The following DENND5B variants were observed in gnomAD, a reference collection of about 807,000 sequenced individuals.
The protein encoded by DENND5B is DENN domain-containing protein 5B.
In DENND5B, 34 loss-of-function variants were observed where a neutral mutation model predicts 140.6. The observed-to-expected ratio is 0.24, with a 90% CI of 0.18 to 0.32. DENND5B has a LOEUF of 0.32. Among genes scored for constraint, DENND5B ranks in the 10% least tolerant of loss-of-function variants. The pLI, the probability that DENND5B is intolerant of heterozygous loss-of-function variation, is 1.00. For synonymous variants in DENND5B, 551 were observed against 562.1 expected (o/e 0.98, Z 0.28); for missense variants, 1,142 against 1,560.2 (o/e 0.73, Z 4.52).
At chr12:31,552,267 G>A (rs2139255270) in intron 1 of DENND5B, among the ~76,000 whole-genome samples, 1 of 152,216 alleles carries the variant, frequency 6.6e-6, no homozygotes, top group South Asian at 2.1e-4. Context: ...AGAGTTTTTG[G>A]CATGAAGGGC....
At chr12:31,437,145 CCT>C (rs1491321158) in intron 7 of DENND5B, among the ~76,000 whole-genome samples, 1 of 135,922 alleles carries the variant, frequency 7.4e-6, no homozygotes. Flanking sequence ...CCTGCCCCCC[CCT>C]TTTTTTTTTT....
intron 5 of DENND5B, among the ~76,000 whole-genome samples, chr12:31,448,479 A>G (rs1359628284): frequency 6.6e-6 from 1 of 152,214 alleles, no homozygotes; most frequent in East Asian, 1.9e-4. Flanking sequence ...CCTATGAAAT[A>G]TACTTTCAAG....
intron 1 of DENND5B, among the ~76,000 whole-genome samples, chr12:31,584,044 A>C (rs1950305713): frequency 1.3e-5 from 2 of 152,214 alleles, no homozygotes; most frequent in South Asian, 4.1e-4. Flanking sequence ...ATGAAGCTTT[A>C]TGGAAATCAT....
At chr12:31,578,601 ATATCAT>A (rs1950104695) in intron 1 of DENND5B, among the ~76,000 whole-genome samples, 1 of 152,340 alleles carries the variant, frequency 6.6e-6, no homozygotes, top group African/African-American at 2.4e-5. Context: ...AATAAAAATA[ATATCAT>A]TAGAGGGAAG....
intron 11 of DENND5B, among the ~76,000 whole-genome samples, chr12:31,421,023 G>T (rs1194810249): frequency 1.3e-5 from 2 of 152,070 alleles, no homozygotes; most frequent in African/African-American, 4.8e-5. Flanking sequence ...GTGCTAGTAA[G>T]AATAATGTTC....
chr12:31,497,564 GA>G (rs1431472630), intron 1 of DENND5B, among the ~76,000 whole-genome samples: 1 of 151,400 alleles, frequency 6.6e-6, no homozygotes, highest in African/African-American at 2.4e-5. Flanking sequence ...AAGAGTCCAT[GA>G]TGTTTTTAAG....
rs1160345674 is a variant in DENND5B, at chr12:31,499,210, A to G, written c.128-3291T>C. On this transcript the variant is annotated intron_variant, in intron 1 of 20. Transcript: ENST00000389082. Reference sequence around the variant, plus strand: ...ATTCCCAGGAAATGAAAAATTACATAAGCATCCTGTACTTAAAATTTACCT... The same window carrying G: ...ATTCCCAGGAAATGAAAAATTACATGAGCATCCTGTACTTAAAATTTACCT... Among the ~76,000 whole-genome samples, 3 of 152,170 alleles carry G rather than the reference A, an allele frequency of 2.0e-5. No individual in the cohort carries two copies. In the East Asian group the frequency reaches 5.8e-4, roughly 29 times the overall value.
chr12:31,388,226 C>CTTT (rs35891849), intron 20 of DENND5B, among the ~76,000 whole-genome samples: 23 of 91,428 alleles, frequency 2.5e-4, no homozygotes, highest in East Asian at 1.1e-3. Flanking sequence ...TAGGGACTTG[C>CTTT]TTTTTTTTTT....
intron 1 of DENND5B, among the ~76,000 whole-genome samples, chr12:31,546,758 G>A (rs575231114): frequency 6.6e-6 from 1 of 152,212 alleles, no homozygotes; most frequent in East Asian, 1.9e-4. Flanking sequence ...ACATCTAAAA[G>A]ACCCAGGGAG....
intron 2 of DENND5B, among the ~76,000 whole-genome samples, chr12:31,485,249 A>C (rs1387183826): frequency 1.3e-5 from 2 of 152,220 alleles, no homozygotes; most frequent in Non-Finnish European, 2.9e-5. Context: ...GAATTGGGCT[A>C]TGCAGTCATG....
intron 6 of DENND5B, among the ~76,000 whole-genome samples, chr12:31,446,396 G>T (rs889396234): frequency 6.6e-6 from 1 of 152,122 alleles, no homozygotes; most frequent in South Asian, 2.1e-4. Flanking sequence ...TGATCCGCTG[G>T]CCTTGGCCTT....
chr12:31,427,734 A>T (rs939569307), intron 8 of DENND5B, among the ~76,000 whole-genome samples: 1 of 152,190 alleles, frequency 6.6e-6, no homozygotes, highest in African/African-American at 2.4e-5. Context: ...TAGTAAAAGT[A>T]GCAGTTTATT....
At chr12:31,461,015 C>T (rs1484990349) in intron 3 of DENND5B, among the ~76,000 whole-genome samples, 3 of 152,062 alleles carry the variant, frequency 2.0e-5, no homozygotes, top group Non-Finnish European at 4.4e-5. Context: ...CGTGAACCAC[C>T]GCACCAGGCC....
chr12:31,584,343 A>G (rs1346210269), intron 1 of DENND5B, among the ~76,000 whole-genome samples: 1 of 152,158 alleles, frequency 6.6e-6, no homozygotes, highest in East Asian at 1.9e-4. Context: ...AATGGGCCAT[A>G]AGCCTGAGCC....
At chr12:31,571,909 A>T (rs1259395780) in intron 1 of DENND5B, among the ~76,000 whole-genome samples, 1 of 152,194 alleles carries the variant, frequency 6.6e-6, no homozygotes, top group Admixed American at 6.5e-5. Flanking sequence ...GTACCCAGCC[A>T]AAAGCTACAA....
chr12:31,547,555 A>T (rs1401690977), intron 1 of DENND5B, among the ~76,000 whole-genome samples: 1 of 151,856 alleles, frequency 6.6e-6, no homozygotes, highest in Non-Finnish European at 1.5e-5. Context: ...CATGCCACCA[A>T]GCTGGCTAAT....
chr12:31,497,124 G>A (rs1184804569), intron 1 of DENND5B, among the ~76,000 whole-genome samples: 1 of 150,990 alleles, frequency 6.6e-6, no homozygotes, highest in African/African-American at 2.4e-5. Flanking sequence ...AAACCACCTT[G>A]GAATGCAAAA....
At chr12:31,581,438 T>C (rs1677187) in intron 1 of DENND5B, among the ~76,000 whole-genome samples, 126,932 of 152,086 alleles carry the variant, frequency 0.83, 53,568 homozygotes, top group African/African-American at 0.96. Context: ...CCTGTAATCC[T>C]AGCACTTTGG....
chr12:31,448,595 A>C (rs1292435078), intron 5 of DENND5B, among the ~76,000 whole-genome samples: 1 of 152,186 alleles, frequency 6.6e-6, no homozygotes, highest in Non-Finnish European at 1.5e-5. Flanking sequence ...GTTCTTCTTT[A>C]AGTGAATGCT....
Sources: allele counts gnomAD v4.1 joint callset (sites outside exome capture counted in the v4.1 genomes callset), GRCh38; gene constraint gnomAD v4.1.1; transcripts MANE v1.5; gene names NCBI Gene and HGNC (gene_info 2026-07-23, HGNC 2026-07-21).